Variants in ZFHX3 observed in about 807,000 individuals in gnomAD.
The protein encoded by ZFHX3 is zinc finger homeobox 3, also known as zinc finger homeobox protein 3.
ZFHX3 carries 42 observed loss-of-function variants against 279.1 expected under a neutral mutation model. The ratio of observed to expected loss-of-function variants is 0.15; its 90% CI spans 0.12 to 0.19. The LOEUF is 0.19. ZFHX3 is among the 10% of genes least tolerant of loss of function. ZFHX3 has a pLI of 1.00. For missense variants in ZFHX3, 4,981 were observed against 4,754.0 expected (o/e 1.05, Z -1.40); for synonymous variants, 2,293 against 1,957.8 (o/e 1.17, Z -4.52).
At chr16:73,478,124 AG>A (rs2018795093) in intron 2 of ZFHX3, among the ~76,000 whole-genome samples, 1 of 151,994 alleles carries the variant, frequency 6.6e-6, no homozygotes, top group Non-Finnish European at 1.5e-5. Flanking sequence ...TACAAAACCT[AG>A]CTGGGCGTGG....
In ZFHX3 at chr16:72,829,682, CCT is replaced by C. The variant is rs1426475939; in HGVS notation, c.3529+95_3529+96del. 3 of 1,395,616 alleles carry C rather than the reference CCT, an allele frequency of 2.1e-6. No individual in the cohort carries two copies. In the East Asian group the frequency reaches 6.9e-5, roughly 32 times the overall value. 86.5% of individuals were successfully genotyped at this position (1,395,616 alleles called of 1,614,324 possible). A position where few individuals can be genotyped will look rare whatever the true frequency, so the allele number is the denominator to read the frequency against. On this transcript the variant is annotated intron_variant, in intron 5 of 9. Coordinates refer to ENST00000268489, the MANE Select transcript of ZFHX3 (RefSeq NM_006885.4). ...GGGCAGACTAAGGATGTATCCGCTC[CCT>C]GACTTGTTAGCTCCATTCTTCCAGG...
intron 2 of ZFHX3, chr16:73,486,665 G>A (rs939658678): frequency 7.6e-6 from 3 of 395,998 alleles, no homozygotes; most frequent in Non-Finnish European, 1.5e-5. Context: ...TGGGATTAGA[G>A]GTGTGATGCA....
chr16:73,122,970 T>C (rs1001514655), intron 7 of ZFHX3, among the ~76,000 whole-genome samples: 1 of 151,994 alleles, frequency 6.6e-6, no homozygotes, highest in Non-Finnish European at 1.5e-5. Context: ...TTAAAAAAAA[T>C]TCCACTCCCT....
chr16:73,687,649 C>T (rs887315262), intron 1 of ZFHX3, among the ~76,000 whole-genome samples: 1 of 151,582 alleles, frequency 6.6e-6, no homozygotes, highest in African/African-American at 2.4e-5. Flanking sequence ...CGAGACCATC[C>T]TGACCAACAT....
chr16:73,317,641 T>C (rs542658757), intron 4 of ZFHX3, among the ~76,000 whole-genome samples: 21 of 152,260 alleles, frequency 1.4e-4, no homozygotes, highest in South Asian at 2.1e-4. Flanking sequence ...TTAGTGGCCA[T>C]TGGGGGCCAG....
chr16:73,315,534 C>G (rs1377040506), intron 4 of ZFHX3, among the ~76,000 whole-genome samples: 1 of 151,980 alleles, frequency 6.6e-6, no homozygotes, highest in Non-Finnish European at 1.5e-5. Flanking sequence ...TTATCTTTCA[C>G]ATAATTTCCA....
Position 72,787,707 on chromosome 16 carries a change from G to T in ZFHX3, c.10569C>A (p.Gly3523=). 1 of 1,399,944 alleles carries T rather than the reference G, an allele frequency of 7.1e-7. No individual in the cohort carries two copies. The highest frequency in any genetic ancestry group is 9.3e-7 in the Non-Finnish European group (1 of 1,070,092). 86.7% of individuals were successfully genotyped at this position (1,399,944 alleles called of 1,614,324 possible). A position where few individuals can be genotyped will look rare whatever the true frequency, so the allele number is the denominator to read the frequency against. Residue 3523 remains glycine (G), a synonymous_variant, in exon 10 of 10, where the codon GGC becomes GGA. Coordinates refer to ENST00000268489, the MANE Select transcript of ZFHX3 (RefSeq NM_006885.4). ...GGCAGTGGTACGAGCCGCCGCCGCC[G>T]CCGCCGCCGCCACCGCCGCCGCCGC... ...SGGGGGGGGG[G]GGGGSYHCLA... is the part of the protein sequence containing the mutation.
chr16:73,351,933 A>G (rs573290375), intron 3 of ZFHX3, among the ~76,000 whole-genome samples: 3 of 152,218 alleles, frequency 2.0e-5, no homozygotes, highest in Non-Finnish European at 4.4e-5. Flanking sequence ...CTAAATGTCA[A>G]TGGGTTCCCA....
chr16:73,314,495 T>A (rs1008769985), intron 4 of ZFHX3, among the ~76,000 whole-genome samples: 1 of 152,200 alleles, frequency 6.6e-6, no homozygotes, highest in Middle Eastern at 3.2e-3. Flanking sequence ...GACTAATAAA[T>A]GGCAGAGCCG....
chr16:73,594,910 A>T (rs2052033506), intron 2 of ZFHX3, among the ~76,000 whole-genome samples: 1 of 152,042 alleles, frequency 6.6e-6, no homozygotes, highest in South Asian at 2.1e-4. Context: ...GTCCAATTTC[A>T]TCTTTAACCA....
At chr16:73,154,786 G>A (rs1455485505) in intron 5 of ZFHX3, among the ~76,000 whole-genome samples, 1 of 151,952 alleles carries the variant, frequency 6.6e-6, no homozygotes, top group East Asian at 1.9e-4. Flanking sequence ...GAAGAAAGGA[G>A]GAGATGTTTG....
intron 6 of ZFHX3, among the ~76,000 whole-genome samples, chr16:73,136,060 G>A (rs1178639970): frequency 1.3e-5 from 2 of 152,088 alleles, no homozygotes; most frequent in African/African-American, 4.8e-5. Context: ...GTTTAACCAT[G>A]TTGGTCAGGA....
intron 4 of ZFHX3, among the ~76,000 whole-genome samples, chr16:73,262,837 G>A (rs2013862592): frequency 6.6e-6 from 1 of 152,094 alleles, no homozygotes; most frequent in Admixed American, 6.5e-5. Flanking sequence ...AAAAAACCGG[G>A]GTTAGTCTGT....
chr16:73,462,647 C>T (rs1045570772), intron 2 of ZFHX3, among the ~76,000 whole-genome samples: 1 of 152,108 alleles, frequency 6.6e-6, no homozygotes, highest in Non-Finnish European at 1.5e-5. Context: ...AAATACTTTT[C>T]TGCATCAATT....
intron 4 of ZFHX3, among the ~76,000 whole-genome samples, chr16:73,305,721 C>T (rs1223261545): frequency 6.6e-6 from 1 of 152,018 alleles, no homozygotes; most frequent in Admixed American, 6.6e-5. Flanking sequence ...TTCTAACTTG[C>T]CAGCTATATC....
chr16:73,216,198 G>C (rs528766447), intron 5 of ZFHX3, among the ~76,000 whole-genome samples: 1 of 152,298 alleles, frequency 6.6e-6, no homozygotes, highest in African/African-American at 2.4e-5. Context: ...TGTGGCAGTC[G>C]CTGACAGATA....
chr16:73,026,870 T>C (rs1261134579), intron 1 of ZFHX3, among the ~76,000 whole-genome samples: 1 of 152,160 alleles, frequency 6.6e-6, no homozygotes, highest in Non-Finnish European at 1.5e-5. Context: ...TAACGTGACT[T>C]ACCCAAGGTC....
At chr16:73,075,375 T>C (rs929981514) in intron 8 of ZFHX3, among the ~76,000 whole-genome samples, 1 of 152,128 alleles carries the variant, frequency 6.6e-6, no homozygotes, top group African/African-American at 2.4e-5. Context: ...CTGCTGAGCC[T>C]GTGGGCTGGG....
intron 2 of ZFHX3, among the ~76,000 whole-genome samples, chr16:73,630,532 G>C (rs1400290877): frequency 1.3e-5 from 2 of 152,194 alleles, no homozygotes; most frequent in African/African-American, 2.4e-5. Flanking sequence ...TCCATACTTA[G>C]GAAAGGAAAG....
Sources: allele counts gnomAD v4.1 joint callset (sites outside exome capture counted in the v4.1 genomes callset), GRCh38; gene constraint gnomAD v4.1.1; transcripts MANE v1.5; gene names NCBI Gene and HGNC (gene_info 2026-07-23, HGNC 2026-07-21).